Variants in RBM33 observed in about 807,000 individuals in gnomAD.
RBM33 encodes RNA binding motif protein 33, also known as RNA-binding protein 33.
A neutral mutation model predicts 132.6 loss-of-function variants in RBM33; 28 were observed. The ratio of observed to expected loss-of-function variants is 0.21; its 90% CI spans 0.16 to 0.29. RBM33 has a LOEUF of 0.29. Ranked by LOEUF, RBM33 falls within the 10% of genes least tolerant of loss-of-function variation. The pLI, the probability that RBM33 is intolerant of heterozygous loss-of-function variation, is 1.00. For missense variants in RBM33, 1,291 were observed against 1,518.5 expected (o/e 0.85, Z 2.49); for synonymous variants, 634 against 593.0 (o/e 1.07, Z -1.01).
intron 2 of RBM33, among the ~76,000 whole-genome samples, chr7:155,668,077 G>A (rs1276034158): frequency 1.3e-5 from 2 of 151,958 alleles, no homozygotes; most frequent in African/African-American, 4.8e-5. Flanking sequence ...TCCTTATTAC[G>A]TAAATATCTT....
intron 8 of RBM33, among the ~76,000 whole-genome samples, chr7:155,716,314 C>CTGTTTTTTTTTTTTTTT (rs1554477938): frequency 2.3e-5 from 1 of 43,576 alleles, no homozygotes; most frequent in Non-Finnish European, 4.3e-5. Context: ...TCCTTTTCTG[C>CTGTTTTTTTTTTTTTTT]TGTTTTTTTT....
intron 2 of RBM33, among the ~76,000 whole-genome samples, chr7:155,668,541 C>A (rs747621244): frequency 6.6e-6 from 1 of 152,134 alleles, no homozygotes. Flanking sequence ...TGTTCCTCAT[C>A]GGAAGCTCCT....
At chr7:155,674,197 A>C (rs1320673372) in intron 3 of RBM33, among the ~76,000 whole-genome samples, 1 of 151,846 alleles carries the variant, frequency 6.6e-6, no homozygotes, top group African/African-American at 2.4e-5. Context: ...AAACTGAAAT[A>C]CATCCGTATA....
At chr7:155,769,006 T>C (rs986431329) in intron 16 of RBM33, among the ~76,000 whole-genome samples, 2 of 152,212 alleles carry the variant, frequency 1.3e-5, no homozygotes, top group African/African-American at 4.8e-5. Flanking sequence ...GTTCTCAGAT[T>C]AGTGTTTTAC....
chr7:155,665,333 T>A (rs1243818830), intron 2 of RBM33, 80 bp downstream of exon 2: 18 of 1,267,930 alleles, frequency 1.4e-5, no homozygotes, highest in Non-Finnish European at 2.0e-5. Context: ...GGATCTTTAC[T>A]GAACGCAGCA....
At chr7:155,661,878 TTG>T (rs1378899347) in intron 1 of RBM33, among the ~76,000 whole-genome samples, 1 of 152,214 alleles carries the variant, frequency 6.6e-6, no homozygotes, top group East Asian at 1.9e-4. Context: ...TGCCTGCTTT[TTG>T]TTGTCGTTGG....
At chr7:155,673,238 A>G (rs1355247308) in intron 3 of RBM33, among the ~76,000 whole-genome samples, 1 of 152,138 alleles carries the variant, frequency 6.6e-6, no homozygotes, top group Non-Finnish European at 1.5e-5. Flanking sequence ...AATATTTTGC[A>G]TACTTGTTCT....
At chr7:155,651,756 T>C (rs12668180) in intron 1 of RBM33, among the ~76,000 whole-genome samples, 96,805 of 151,818 alleles carry the variant, frequency 0.64, 31,922 homozygotes, top group South Asian at 0.76. Context: ...ATAGGAGGGG[T>C]CCTATCTCAT....
intron 6 of RBM33, chr7:155,701,202 G>A (rs1585457300): frequency 1.8e-6 from 1 of 541,524 alleles, no homozygotes; most frequent in East Asian, 3.0e-5. Flanking sequence ...TGAGTCTGTG[G>A]CCTACAGCTG....
chr7:155,705,853 G>A (rs1024122627), intron 6 of RBM33, among the ~76,000 whole-genome samples: 3 of 152,196 alleles, frequency 2.0e-5, no homozygotes, highest in Admixed American at 6.5e-5. Flanking sequence ...CACTCCACAC[G>A]TGTTTGCATG....
Position 155,734,384 on chromosome 7 carries a change from C to T in RBM33, c.1261-3146C>T, listed in dbSNP as rs138410157. ...CAAACCTGCTTGTGGTTGATCTTGA[C>T]TCAGTTACATGAAGAGAGCTATCAT... On this transcript the variant is annotated intron_variant, in intron 9 of 17. Transcript: ENST00000401878. Among the ~76,000 whole-genome samples the T allele has an allele frequency of 3.3e-5, 5 of 152,324 alleles. No individual in the cohort carries two copies. In the East Asian group the frequency reaches 9.6e-4, roughly 29 times the overall value.
intron 16 of RBM33, among the ~76,000 whole-genome samples, chr7:155,770,554 A>C (rs1054346679): frequency 3.4e-5 from 5 of 145,362 alleles, no homozygotes; most frequent in African/African-American, 1.3e-4. Flanking sequence ...AATTGGGCCT[A>C]TTTTAAGCAG....
At chr7:155,722,736 C>T (rs538426218) in intron 9 of RBM33, among the ~76,000 whole-genome samples, 113 of 152,220 alleles carry the variant, frequency 7.4e-4, no homozygotes, top group Non-Finnish European at 1.0e-3. Flanking sequence ...TGTGCAATTG[C>T]TGTTTTTAAG....
chr7:155,658,700 C>T (rs1282884926), intron 1 of RBM33, among the ~76,000 whole-genome samples: 1 of 152,136 alleles, frequency 6.6e-6, no homozygotes, highest in African/African-American at 2.4e-5. Flanking sequence ...CGCCCGGCTG[C>T]TTGTTTGTTT....
At chr7:155,706,088 C>G (rs968623230) in intron 6 of RBM33, among the ~76,000 whole-genome samples, 1 of 152,178 alleles carries the variant, frequency 6.6e-6, no homozygotes, top group Non-Finnish European at 1.5e-5. Context: ...TGTGTTCTTG[C>G]GTCTATGTGC....
At chr7:155,746,656 A>G (rs577819629) in intron 14 of RBM33, 94 of 152,332 alleles carry the variant, frequency 6.2e-4, no homozygotes, top group African/African-American at 2.2e-3. Flanking sequence ...ATATAGTCTT[A>G]TTAGTTGTGG....
At chr7:155,760,590 T>C (rs571999530) in intron 14 of RBM33, among the ~76,000 whole-genome samples, 2 of 152,368 alleles carry the variant, frequency 1.3e-5, no homozygotes, top group Admixed American at 1.3e-4. Flanking sequence ...AAGATTGTAC[T>C]GTCAGGCAAC....
At chr7:155,679,899 G>A (rs1277773173) in intron 4 of RBM33, among the ~76,000 whole-genome samples, 1 of 152,028 alleles carries the variant, frequency 6.6e-6, no homozygotes, top group Non-Finnish European at 1.5e-5. Context: ...GCACCTTATT[G>A]TTTGGTATTT....
At chr7:155,719,349 A>G (rs1176750739) in intron 9 of RBM33, among the ~76,000 whole-genome samples, 1 of 152,210 alleles carries the variant, frequency 6.6e-6, no homozygotes, top group East Asian at 1.9e-4. Context: ...TAACATTTAT[A>G]TATGGCATTT....
Sources: gnomAD v4.1 joint callset for allele counts (sites outside exome capture counted in the v4.1 genomes callset) on GRCh38, gnomAD v4.1.1 for gene constraint, MANE v1.5 for transcripts, NCBI Gene and HGNC (gene_info 2026-07-23, HGNC 2026-07-21) for gene names.